The following ASPH variants were observed in gnomAD, a reference collection of about 807,000 sequenced individuals.
ASPH encodes the protein aspartate beta-hydroxylase.
A neutral mutation model predicts 118.4 loss-of-function variants in ASPH; 100 were observed. The ratio of observed to expected loss-of-function variants is 0.84; its 90% CI spans 0.72 to 1.00. The LOEUF is 1.00. Ranked by LOEUF, ASPH falls within the 50% of genes least tolerant of loss-of-function variation. The pLI, the probability that ASPH is intolerant of heterozygous loss-of-function variation, is 0.00. For synonymous variants in ASPH, 315 were observed against 325.6 expected (o/e 0.97, Z 0.35); for missense variants, 920 against 919.5 (o/e 1.00, Z -0.01).
At chr8:61,512,665 T>A (rs1303145767) in intron 24 of ASPH, among the ~76,000 whole-genome samples, 2 of 152,254 alleles carry the variant, frequency 1.3e-5, no homozygotes, top group Non-Finnish European at 2.9e-5. Flanking sequence ...TACTTATCTT[T>A]ATACTTCAGT....
intron 21 of ASPH, among the ~76,000 whole-genome samples, chr8:61,528,869 C>T (rs561007343): frequency 6.6e-6 from 1 of 152,288 alleles, no homozygotes; most frequent in South Asian, 2.1e-4. Context: ...TCAAAAGGGG[C>T]AAACTGGTGC....
At chr8:61,644,109 G>A in intron 7 of ASPH, 108 bp from the exon 8 acceptor site, 1 of 858,034 alleles carries the variant, frequency 1.2e-6, no homozygotes, top group Non-Finnish European at 1.9e-6. Context: ...GCAAAATCAA[G>A]TCATAATGAT....
At chr8:61,512,088 G>T (rs1174328937) in intron 24 of ASPH, among the ~76,000 whole-genome samples, 1 of 152,116 alleles carries the variant, frequency 6.6e-6, no homozygotes, top group African/African-American at 2.4e-5. Flanking sequence ...AATCCAAAAA[G>T]CCCAAGCAAG....
chr8:61,586,001 A>G (rs1250071904), intron 14 of ASPH, among the ~76,000 whole-genome samples: 1 of 152,202 alleles, frequency 6.6e-6, no homozygotes, highest in Non-Finnish European at 1.5e-5. Context: ...AGCTATTATA[A>G]TAATGGCTAC....
In ASPH at chr8:61,562,891, G is replaced by C; in HGVS notation, c.1301-11C>G. 6.4e-7 allele frequency: 1 copy of C among 1,559,222 alleles called. No homozygotes were observed. The highest frequency in any genetic ancestry group is 8.6e-7 in the Non-Finnish European group (1 of 1,159,726). ...AACCTCTCATATGACCTGAGTAGGTGGGAATTTAAAAAAAATAGAAATAAA... is the reference window on the plus strand; with the variant it reads ...AACCTCTCATATGACCTGAGTAGGTCGGAATTTAAAAAAAATAGAAATAAA... On this transcript the variant is annotated splice_polypyrimidine_tract_variant and intron_variant, in intron 17 of 24. Coordinates refer to ENST00000379454, the MANE Select transcript of ASPH (RefSeq NM_004318.4).
chr8:61,712,182 T>C (rs779022722), intron 1 of ASPH, among the ~76,000 whole-genome samples: 1 of 152,226 alleles, frequency 6.6e-6, no homozygotes, highest in Non-Finnish European at 1.5e-5. Context: ...TCTCACAGTA[T>C]GACACTGCTA....
At chr8:61,553,225 C>A in intron 19 of ASPH, 105 bp from the exon 20 acceptor site, 1 of 841,824 alleles carries the variant, frequency 1.2e-6, no homozygotes, top group Middle Eastern at 2.6e-4. Context: ...AACCTAAAAA[C>A]CAGAAAAATA....
intron 22 of ASPH, among the ~76,000 whole-genome samples, chr8:61,519,710 C>T (rs1812267632): frequency 6.6e-6 from 1 of 152,020 alleles, no homozygotes; most frequent in African/African-American, 2.4e-5. Context: ...CAGAGTGATA[C>T]AGTATGAGAA....
chr8:61,657,124 G>A (rs1208714827), intron 3 of ASPH: 2 of 152,212 alleles, frequency 1.3e-5, no homozygotes, highest in Non-Finnish European at 2.9e-5. Flanking sequence ...AGAACAGGGA[G>A]CACATTAGGG....
chr8:61,623,842 G>A (rs915458192), intron 13 of ASPH: 17 of 152,142 alleles, frequency 1.1e-4, no homozygotes, highest in Admixed American at 1.0e-3. Flanking sequence ...CCATAAAAAA[G>A]AATAAGATCC....
At chr8:61,689,583 A>G in intron 1 of ASPH, 1 of 1,354,022 alleles carries the variant, frequency 7.4e-7, no homozygotes, top group Admixed American at 2.3e-5. Context: ...CACTTAGCCA[A>G]AAATATTTTA....
At chr8:61,679,254 C>T (rs1283703664) in intron 3 of ASPH, among the ~76,000 whole-genome samples, 1 of 151,980 alleles carries the variant, frequency 6.6e-6, no homozygotes, top group Non-Finnish European at 1.5e-5. Context: ...AGTAAAGTTA[C>T]CAAAATAAAC....
intron 3 of ASPH, chr8:61,664,229 A>T (rs1818349682): frequency 1.0e-6 from 1 of 968,074 alleles, no homozygotes; most frequent in Non-Finnish European, 1.2e-6. Flanking sequence ...CTAAATTCTG[A>T]TCTCTAGTGA....
chr8:61,549,508 G>A (rs67210846), intron 20 of ASPH, among the ~76,000 whole-genome samples: 42,568 of 152,064 alleles, frequency 0.28, 8,048 homozygotes, highest in African/African-American at 0.51. Flanking sequence ...ATTAATATCT[G>A]AAACTAAGAA....
At chr8:61,583,524 T>A (rs1838267196) in intron 15 of ASPH, 1 of 143,834 alleles carries the variant, frequency 7.0e-6, no homozygotes, top group South Asian at 2.0e-4. Flanking sequence ...CACTTCAGCC[T>A]GGGTGGAGGC....
chr8:61,528,759 T>C (rs1157985174), intron 21 of ASPH, among the ~76,000 whole-genome samples: 1 of 152,222 alleles, frequency 6.6e-6, no homozygotes, highest in African/African-American at 2.4e-5. Flanking sequence ...CTGGGAAGTG[T>C]TGCCAAGGTA....
chr8:61,714,480 G>A lies in ASPH; in HGVS notation c.-109C>T. ...GCGGCGGGCCGCTGGAGCGGGTTCG[G>A]GCCGCTGCTCCTGCAGCAGACCCTG... On this transcript the variant is annotated 5_prime_UTR_variant, in exon 1 of 25. Transcript: ENST00000379454. 1 of 1,343,962 alleles carries A rather than the reference G, an allele frequency of 7.4e-7. No homozygotes were observed. Among genetic ancestry groups the A allele is most frequent in the Non-Finnish European group, 9.6e-7 (1 of 1,044,996 alleles). 83.3% of individuals were successfully genotyped at this position (1,343,962 alleles called of 1,614,324 possible). A position where few individuals can be genotyped will look rare whatever the true frequency, so the allele number is the denominator to read the frequency against.
At chr8:61,648,500 TTC>T (rs1308742146) in intron 5 of ASPH, among the ~76,000 whole-genome samples, 1 of 152,258 alleles carries the variant, frequency 6.6e-6, no homozygotes, top group Non-Finnish European at 1.5e-5. Context: ...CAAATTTTAC[TTC>T]TCTTTTTATT....
intron 22 of ASPH, among the ~76,000 whole-genome samples, chr8:61,523,405 T>G (rs906498539): frequency 2.0e-5 from 3 of 150,782 alleles, no homozygotes; most frequent in African/African-American, 7.3e-5. Context: ...AATCTCTGCC[T>G]CCTGGGTTCA....
Sources: allele counts gnomAD v4.1 joint callset (sites outside exome capture counted in the v4.1 genomes callset), GRCh38; gene constraint gnomAD v4.1.1; transcripts MANE v1.5; gene names NCBI Gene and HGNC (gene_info 2026-07-23, HGNC 2026-07-21).